Variants in SMIM31 observed in about 807,000 individuals in gnomAD.
SMIM31 encodes the protein small integral membrane protein 31.
intron 2 of SMIM31, among the ~76,000 whole-genome samples, chr4:164,772,003 G>C (rs1342017410): frequency 2.0e-5 from 3 of 152,068 alleles, no homozygotes. Context: ...AAAAAACAAC[G>C]GAAATTTTTA....
chr4:164,803,045 T>A lies in SMIM31; in HGVS notation c.*1851T>A, dbSNP rs145559084. ...GCTGACAAATGGATGAGAGATAGTA[T>A]AAGTAAAATGTGTAACTCAGTGCCT... On this transcript the variant is annotated 3_prime_UTR_variant, in exon 3 of 3. Transcript: ENST00000507311. 19 of 152,348 alleles carry A rather than the reference T, an allele frequency of 1.2e-4. No homozygotes were observed. The highest frequency in any genetic ancestry group is 4.1e-4 in the African/African-American group (17 of 41,580). 9.4% of individuals were successfully genotyped at this position (152,348 alleles called of 1,614,324 possible). A position where few individuals can be genotyped will look rare whatever the true frequency, so the allele number is the denominator to read the frequency against.
rs1732786184 is a variant in SMIM31, at chr4:164,770,509, A to G, written c.66A>G (p.Leu22=). 2.5e-6 allele frequency: 1 copy of G among 398,302 alleles called. No homozygotes were observed. 24.7% of individuals were successfully genotyped at this position (398,302 alleles called of 1,614,324 possible). The change falls in exon 2 of 3, where the codon TTA becomes TTG. Residue 22 remains leucine, a synonymous_variant. Transcript: ENST00000507311. ...TATTGGCTTTTGTTATCTTTTCCTT[A>G]TTTACCCTGGCTTCCATCTACACTA... is the stretch of plus-strand genomic sequence containing the variant. ...FILLAFVIFS[L]FTLASIYTTP... is the part of the protein sequence containing the mutation.
chr4:164,798,466 C>A lies in SMIM31; in HGVS notation c.113-2625C>A, dbSNP rs187705131. Reference sequence around the variant, plus strand: ...CCATGTTAACCAGGATGGTCTTGATCTCCTGACCTCGTGATCCGCCCACCT... The same window carrying A: ...CCATGTTAACCAGGATGGTCTTGATATCCTGACCTCGTGATCCGCCCACCT... On this transcript the variant is annotated intron_variant, in intron 2 of 2. Coordinates refer to ENST00000507311, the MANE Select transcript of SMIM31 (RefSeq NM_001352885.1). Among the ~76,000 whole-genome samples, 1,014 of 151,712 alleles carry A rather than the reference C, an allele frequency of 6.7e-3. 4 individuals carry two copies. The highest frequency in any genetic ancestry group is 0.017 in the South Asian group (82 of 4,812).
At chr4:164,759,606 A>G (rs1187785169) in intron 1 of SMIM31, among the ~76,000 whole-genome samples, 2 of 152,216 alleles carry the variant, frequency 1.3e-5, no homozygotes, top group African/African-American at 2.4e-5. Context: ...AGATATCCCT[A>G]TCAATGAGGT....
chr4:164,773,821 G>A (rs528249251), intron 2 of SMIM31, among the ~76,000 whole-genome samples: 1 of 152,200 alleles, frequency 6.6e-6, no homozygotes, highest in South Asian at 2.1e-4. Context: ...GACTGTTAGT[G>A]GAGTCTTCTT....
At chr4:164,762,009 T>C (rs1178724304) in intron 1 of SMIM31, among the ~76,000 whole-genome samples, 2 of 152,172 alleles carry the variant, frequency 1.3e-5, no homozygotes, top group African/African-American at 2.4e-5. Context: ...CCAGAGCTCC[T>C]GCTAGCTCAG....
rs1226168326 is a variant in SMIM31, at chr4:164,758,707, GACTGCA to G, written c.-26+4298_-26+4303del. ...AGACTGCAGTGACGTGATCTCGGCT[GACTGCA>G]AGCTCCGCCTCCCGGGTTCACGCCA... is the stretch of plus-strand genomic sequence containing the variant. On this transcript the variant is annotated intron_variant, in intron 1 of 2. Transcript: ENST00000507311. 9.3e-5 allele frequency among the ~76,000 whole-genome samples: 12 copies of G among 128,378 alleles called. No homozygotes were observed. In the South Asian group the frequency reaches 1.3e-3, roughly 14 times the overall value. 84.2% of individuals were successfully genotyped at this position (128,378 alleles called of 152,430 possible). A position where few individuals can be genotyped will look rare whatever the true frequency, so the allele number is the denominator to read the frequency against.
At chr4:164,782,353 A>G (rs1732961882) in intron 2 of SMIM31, among the ~76,000 whole-genome samples, 1 of 151,574 alleles carries the variant, frequency 6.6e-6, no homozygotes, top group African/African-American at 2.4e-5. Flanking sequence ...AAACCTATAA[A>G]ACACTACTTT....
chr4:164,757,288 GT>G, intron 1 of SMIM31, among the ~76,000 whole-genome samples: 1 of 152,184 alleles, frequency 6.6e-6, no homozygotes, highest in Non-Finnish European at 1.5e-5. Flanking sequence ...TTGAGTTGGA[GT>G]TTTCATAAGT....
intron 2 of SMIM31, among the ~76,000 whole-genome samples, chr4:164,781,734 A>G (rs760462581): frequency 1.1e-4 from 17 of 152,142 alleles, no homozygotes; most frequent in Non-Finnish European, 1.8e-4. Context: ...TTCCCAGGTG[A>G]GACCCACTGT....
At chr4:164,790,730 T>C (rs1325745582) in intron 2 of SMIM31, among the ~76,000 whole-genome samples, 1 of 152,214 alleles carries the variant, frequency 6.6e-6, no homozygotes, top group Non-Finnish European at 1.5e-5. Flanking sequence ...AAAGTATACT[T>C]TTTGGGTATA....
rs1319011393 is a variant in SMIM31, at chr4:164,797,473, T to TTTC, written c.113-3616_113-3615insCTT. On this transcript the variant is annotated intron_variant, in intron 2 of 2. Coordinates refer to ENST00000507311, the MANE Select transcript of SMIM31 (RefSeq NM_001352885.1). Reference sequence around the variant, plus strand: ...AAGTGCAGATTTCTTTTCTTTTTTTTTTTTTTTTGAGACAGAGTCTCACTC... The same window carrying TTTC: ...AAGTGCAGATTTCTTTTCTTTTTTTTTTCTTTTTTTTGAGACAGAGTCTCACTC... 3.4e-5 allele frequency among the ~76,000 whole-genome samples: 5 copies of TTTC among 148,604 alleles called. No individual in the cohort carries two copies. In the East Asian group the frequency reaches 9.7e-4, roughly 29 times the overall value.
intron 1 of SMIM31, among the ~76,000 whole-genome samples, chr4:164,769,742 TAA>T (rs57603306): frequency 0.016 from 2,267 of 143,100 alleles, 49 homozygotes; most frequent in African/African-American, 0.052. Context: ...ACTTAAAGTA[TAA>T]AAAAAAAAAA....
chr4:164,771,968 G>A (rs1732808613), intron 2 of SMIM31, among the ~76,000 whole-genome samples: 1 of 152,180 alleles, frequency 6.6e-6, no homozygotes, highest in Non-Finnish European at 1.5e-5. Context: ...ACTGTTTACT[G>A]ACTATCTTGT....
Position 164,754,159 on chromosome 4 carries a change from G to C in SMIM31, c.-278G>C, listed in dbSNP as rs1732521102. On this transcript the variant is annotated 5_prime_UTR_variant, in exon 1 of 3. Coordinates refer to ENST00000507311, the MANE Select transcript of SMIM31 (RefSeq NM_001352885.1). ...TCCTTCTTGATCCTTCACAAGGGAAGATTTTCTTTTTTAGAGGTACAGATT... is the reference window on the plus strand; with the variant it reads ...TCCTTCTTGATCCTTCACAAGGGAACATTTTCTTTTTTAGAGGTACAGATT... 1 of 152,208 alleles carries C rather than the reference G, an allele frequency of 6.6e-6. No homozygotes were observed. Among genetic ancestry groups the C allele is most frequent in the Non-Finnish European group, 1.5e-5 (1 of 68,026 alleles). The allele number at this position is 152,208 out of a possible 1,614,324, so 9.4% of individuals were successfully genotyped here. A position where few individuals can be genotyped will look rare whatever the true frequency, so the allele number is the denominator to read the frequency against.
chr4:164,778,027 A>G (rs1732899279), intron 2 of SMIM31, among the ~76,000 whole-genome samples: 1 of 152,244 alleles, frequency 6.6e-6, no homozygotes, highest in Non-Finnish European at 1.5e-5. Flanking sequence ...AGACAGCAAT[A>G]AGCATGTTTG....
intron 2 of SMIM31, among the ~76,000 whole-genome samples, chr4:164,800,723 C>G (rs924238866): frequency 6.6e-6 from 1 of 152,164 alleles, no homozygotes; most frequent in African/African-American, 2.4e-5. Flanking sequence ...ACAGCTTTCT[C>G]TGTCTTTATA....
At chr4:164,795,360 C>T (rs1352052102) in intron 2 of SMIM31, among the ~76,000 whole-genome samples, 1 of 152,080 alleles carries the variant, frequency 6.6e-6, no homozygotes, top group Non-Finnish European at 1.5e-5. Context: ...GAGTTCGAGG[C>T]CAGCCTGGCC....
At chr4:164,767,196 G>A (rs1436397414) in intron 1 of SMIM31, among the ~76,000 whole-genome samples, 5 of 152,150 alleles carry the variant, frequency 3.3e-5, no homozygotes, top group South Asian at 2.1e-4. Flanking sequence ...TTCCCTTCGT[G>A]ATGCTAAAGG....
Sources: gnomAD v4.1 joint callset for allele counts (sites outside exome capture counted in the v4.1 genomes callset) on GRCh38, gnomAD v4.1.1 for gene constraint, MANE v1.5 for transcripts, NCBI Gene and HGNC (gene_info 2026-07-23, HGNC 2026-07-21) for gene names.